DIAPH3: variants seen among roughly 807,000 people sequenced by gnomAD.
DIAPH3 encodes the protein protein diaphanous homolog 3.
DIAPH3 carries 117 observed loss-of-function variants against 144.3 expected under a neutral mutation model. That is an observed-to-expected ratio of 0.81 (90% CI 0.70 to 0.95). The LOEUF (loss-of-function observed/expected upper bound fraction) is 0.95. Ranked by LOEUF, DIAPH3 falls within the 40% of genes least tolerant of loss-of-function variation. DIAPH3 has a pLI of 0.00. For synonymous variants in DIAPH3, 519 were observed against 488.9 expected, an observed-to-expected ratio of 1.06 and a Z score of -0.81; for missense variants, 1,421 against 1,412.7, an observed-to-expected ratio of 1.01 and a Z score of -0.09.
intron 27 of DIAPH3, among the ~76,000 whole-genome samples, chr13:59,687,619 T>TG (rs1191036751): frequency 1.3e-5 from 2 of 152,054 alleles, no homozygotes; most frequent in Non-Finnish European, 2.9e-5. Context: ...CTTAGTGTCT[T>TG]GAAATGATAT....
In DIAPH3 at chr13:59,991,267, A is replaced by G; in HGVS notation, c.1252T>C (p.Tyr418His). Residue 418 changes from tyrosine (Y) to histidine (H), a missense_variant, in exon 12 of 28, where the codon TAT (tyrosine) becomes CAT (histidine). Physicochemically the swap from Tyr to His is moderately conservative, Grantham distance 83 (BLOSUM62 2). Coordinates refer to ENST00000400324, the MANE Select transcript of DIAPH3 (RefSeq NM_001042517.2). ...CTCCACACCATGTTGTAAACATCAT[A>G]TGCTTCAGTGAGTTGATTAAGGAAT... Reference protein sequence around the residue: ...EDIRAELDEAYDVYNMVWSTV... With the variant: ...EDIRAELDEAHDVYNMVWSTV... The G allele has an allele frequency of 6.3e-7, 1 of 1,596,738 alleles. No individual in the cohort carries two copies. The highest frequency in any genetic ancestry group is 8.6e-7 in the Non-Finnish European group (1 of 1,165,334).
At chr13:59,893,949 T>C (rs545597500) in intron 20 of DIAPH3, among the ~76,000 whole-genome samples, 1 of 152,292 alleles carries the variant, frequency 6.6e-6, no homozygotes, top group African/African-American at 2.4e-5. Flanking sequence ...GTATTGATTG[T>C]ATGCAATTTT....
intron 22 of DIAPH3, among the ~76,000 whole-genome samples, chr13:59,854,961 G>C (rs548477994): frequency 1.3e-5 from 2 of 152,260 alleles, no homozygotes; most frequent in South Asian, 4.1e-4. Context: ...GCAGATTCAG[G>C]AAATGTTCCT....
intron 25 of DIAPH3, among the ~76,000 whole-genome samples, chr13:59,803,501 T>G (rs749849977): frequency 7.9e-5 from 12 of 152,188 alleles, no homozygotes; most frequent in South Asian, 4.1e-4. Context: ...AGCAATAAAC[T>G]AATTAGCATG....
chr13:60,112,769 C>T (rs1304697215), intron 2 of DIAPH3, among the ~76,000 whole-genome samples: 1 of 152,014 alleles, frequency 6.6e-6, no homozygotes, highest in African/African-American at 2.4e-5. Flanking sequence ...ATGGTTAAGG[C>T]CTTAAGAAAT....
intron 24 of DIAPH3, among the ~76,000 whole-genome samples, chr13:59,812,272 C>G (rs565585464): frequency 5.3e-5 from 8 of 150,872 alleles, no homozygotes; most frequent in South Asian, 4.2e-4. Context: ...ATCCATCCAT[C>G]CATCCATCCA....
intron 4 of DIAPH3, among the ~76,000 whole-genome samples, chr13:60,045,387 A>C (rs941014630): frequency 1.3e-5 from 2 of 152,148 alleles, no homozygotes; most frequent in Admixed American, 6.6e-5. Context: ...AGTCTCAGGT[A>C]CATCTTATTA....
intron 27 of DIAPH3, among the ~76,000 whole-genome samples, chr13:59,773,614 A>G (rs1004374639): frequency 4.6e-5 from 7 of 152,216 alleles, no homozygotes; most frequent in Admixed American, 4.6e-4. Flanking sequence ...AGAGAGTTCT[A>G]TGCGGTTGGG....
At chr13:59,930,437 C>T (rs2047968886) in intron 17 of DIAPH3, among the ~76,000 whole-genome samples, 1 of 152,134 alleles carries the variant, frequency 6.6e-6, no homozygotes, top group Admixed American at 6.5e-5. Context: ...GGATAAATAC[C>T]TAAGCAAAGC....
rs550475774 is a variant in DIAPH3, at chr13:59,851,037, T to C, written c.2737+10370A>G. Among the ~76,000 whole-genome samples the C allele has an allele frequency of 1.9e-4, 28 of 149,714 alleles. No individual in the cohort carries two copies. The South Asian group carries it at 6.1e-3, about 33-fold the overall frequency. On this transcript the variant is annotated intron_variant, in intron 22 of 27. Coordinates refer to ENST00000400324, the MANE Select transcript of DIAPH3 (RefSeq NM_001042517.2). ...CCTAACTCATTTTATGAGGCCAGCA[T>C]CATTCTGATACCAAAGCCGGGCAGA...
intron 27 of DIAPH3, among the ~76,000 whole-genome samples, chr13:59,684,752 A>T (rs2033126712): frequency 6.6e-6 from 1 of 152,192 alleles, no homozygotes; most frequent in Non-Finnish European, 1.5e-5. Context: ...GGAATAATTG[A>T]TCAACATATG....
At chr13:59,774,271 A>C in intron 26 of DIAPH3, 23 bp from the exon 27 acceptor site, 1 of 1,587,406 alleles carries the variant, frequency 6.3e-7, no homozygotes. Context: ...AAAATAAAAT[A>C]AACTTAATAT....
At chr13:60,162,913 C>T in intron 1 of DIAPH3, among the ~76,000 whole-genome samples, 1 of 151,616 alleles carries the variant, frequency 6.6e-6, no homozygotes, top group East Asian at 1.9e-4. Context: ...TTGGACTCAT[C>T]CCAAATCTAT....
chr13:60,049,253 C>A (rs543167917), intron 4 of DIAPH3, among the ~76,000 whole-genome samples: 1 of 152,290 alleles, frequency 6.6e-6, no homozygotes, highest in African/African-American at 2.4e-5. Context: ...GGCACAGAAG[C>A]AGAGCTATTA....
At chr13:60,042,190 C>T (rs565271278) in intron 5 of DIAPH3, among the ~76,000 whole-genome samples, 7 of 152,150 alleles carry the variant, frequency 4.6e-5, no homozygotes, top group Admixed American at 6.5e-5. Flanking sequence ...TAAATTTGGA[C>T]GTCAGATAAA....
intron 27 of DIAPH3, among the ~76,000 whole-genome samples, chr13:59,679,033 T>C (rs997539671): frequency 1.4e-4 from 22 of 152,222 alleles, no homozygotes; most frequent in African/African-American, 5.3e-4. Flanking sequence ...GCAATCAAAC[T>C]GCAGTTTCAA....
intron 14 of DIAPH3, 37 bp downstream of exon 14, chr13:59,980,758 C>T (rs1225439708): frequency 3.2e-6 from 5 of 1,560,742 alleles, no homozygotes; most frequent in African/African-American, 1.4e-5. Context: ...GCAGTGGTTC[C>T]CCACAGAATA....
At chr13:59,685,278 T>TA (rs2033156965) in intron 27 of DIAPH3, among the ~76,000 whole-genome samples, 1 of 152,134 alleles carries the variant, frequency 6.6e-6, no homozygotes, top group Non-Finnish European at 1.5e-5. Flanking sequence ...TATATCGAAA[T>TA]ATCTGTGACA....
chr13:59,923,549 C>T (rs2047615988), intron 18 of DIAPH3, among the ~76,000 whole-genome samples: 2 of 152,080 alleles, frequency 1.3e-5, no homozygotes, highest in South Asian at 4.1e-4. Flanking sequence ...ATCCCTATAT[C>T]AGGATGATGG....
Sources: allele counts gnomAD v4.1 joint callset (sites outside exome capture counted in the v4.1 genomes callset), GRCh38; gene constraint gnomAD v4.1.1; transcripts MANE v1.5; gene names NCBI Gene and HGNC (gene_info 2026-07-23, HGNC 2026-07-21).